HDAC8: variants seen among roughly 807,000 people sequenced by gnomAD.
HDAC8 encodes the protein histone deacetylase 8, also known as histone deacetylase-like 1.
A neutral mutation model predicts 32.2 loss-of-function variants in HDAC8; 1 was observed. That is an observed-to-expected ratio of 0.03 (90% confidence interval 0.01 to 0.15). The LOEUF (loss-of-function observed/expected upper bound fraction) is 0.15, where lower values mean the gene tolerates loss of function less well. HDAC8 is among the 10% of genes least tolerant of loss of function. The pLI, the probability that HDAC8 is intolerant of heterozygous loss-of-function variation, is 1.00. For synonymous variants in HDAC8, 108 were observed against 113.9 expected, an observed-to-expected ratio of 0.95 and a Z score of 0.33; for missense variants, 117 against 300.0, an observed-to-expected ratio of 0.39 and a Z score of 4.51.
chrX:72,375,276 T>A (rs1055527448), intron 9 of HDAC8, among the ~76,000 whole-genome samples: 5 of 112,358 alleles, frequency 4.5e-5, no homozygotes, highest in Non-Finnish European at 9.4e-5. Context: ...AAAATAAATA[T>A]CTAGATGAAT....
At chrX:72,520,875 C>T (rs1436642905) in intron 4 of HDAC8, among the ~76,000 whole-genome samples, 1 of 112,117 alleles carries the variant, frequency 8.9e-6, no homozygotes, top group Non-Finnish European at 1.9e-5. Context: ...ATATCCCACA[C>T]TCTAGGTTCA....
At chrX:72,566,492 C>A (rs1434687582) in intron 4 of HDAC8, among the ~76,000 whole-genome samples, 1 of 112,193 alleles carries the variant, frequency 8.9e-6, no homozygotes, top group African/African-American at 3.2e-5. Context: ...CAAGGACTTC[C>A]TTGGCCACAA....
At chrX:72,537,871 C>T (rs782120952) in intron 4 of HDAC8, among the ~76,000 whole-genome samples, 1 of 111,911 alleles carries the variant, frequency 8.9e-6, no homozygotes, top group East Asian at 2.8e-4. Flanking sequence ...ATTCCAAAGA[C>T]AGTACATGAA....
At chrX:72,493,506 C>G (rs2048930806) in intron 5 of HDAC8, among the ~76,000 whole-genome samples, 1 of 111,574 alleles carries the variant, frequency 9.0e-6, no homozygotes, top group Non-Finnish European at 1.9e-5. Flanking sequence ...TCCTGATGCA[C>G]TTTCAAGTTT....
intron 9 of HDAC8, among the ~76,000 whole-genome samples, chrX:72,354,811 A>G (rs936237270): frequency 3.6e-5 from 4 of 112,012 alleles, no homozygotes; most frequent in Middle Eastern, 9.2e-3. Flanking sequence ...CATCATTTCC[A>G]CCTGACGATG....
chrX:72,490,946 G>C lies in HDAC8; in HGVS notation c.611C>G (p.Ser204Cys), dbSNP rs781880870. 1 of 1,204,650 alleles carries C rather than the reference G, an allele frequency of 8.3e-7. No individual in the cohort carries two copies. The highest frequency in any genetic ancestry group is 2.2e-5 in the Admixed American group (1 of 45,933). The change falls in exon 6 of 11, where the codon TCC (serine) becomes TGC (cysteine). Residue 204 changes from serine (S) to cysteine (C), a missense_variant. Ser to Cys is a moderately radical substitution (Grantham distance 112). Coordinates refer to ENST00000373573, the MANE Select transcript of HDAC8 (RefSeq NM_018486.3). ...KVMTVSLHKF[S>C]PGFFPGTGDV... ...TCACTTGCCTGGGAAAAATCCTGGGGAGAATTTGTGCAGGGACACGGTCAT... is the reference window on the plus strand; with the variant it reads ...TCACTTGCCTGGGAAAAATCCTGGGCAGAATTTGTGCAGGGACACGGTCAT...
In HDAC8 at chrX:72,436,570, T is replaced by C. The variant is rs1239842065; in HGVS notation, c.1005+25434A>G. ...TATCAGCAGATCTAACCTATAAGAATAGAAAAAGTAAGTTCTCTAAACAGA... is the reference window on the plus strand; with the variant it reads ...TATCAGCAGATCTAACCTATAAGAACAGAAAAAGTAAGTTCTCTAAACAGA... On this transcript the variant is annotated intron_variant, in intron 9 of 10. Transcript: ENST00000373573. 5.9e-5 allele frequency among the ~76,000 whole-genome samples: 6 copies of C among 101,665 alleles called. No homozygotes were observed. In the South Asian group the frequency reaches 2.6e-3, roughly 44 times the overall value. 88.3% of individuals were successfully genotyped at this position (101,665 alleles called of 115,157 possible).
chrX:72,489,092 G>C (rs2048773724), intron 6 of HDAC8, 51 bp from the exon 7 acceptor site: 1 of 887,263 alleles, frequency 1.1e-6, no homozygotes, highest in Non-Finnish European at 1.6e-6. Context: ...TGAGAACCCA[G>C]AAAACTTAAA....
At chrX:72,541,671 G>C (rs782646564) in intron 4 of HDAC8, among the ~76,000 whole-genome samples, 1 of 112,142 alleles carries the variant, frequency 8.9e-6, no homozygotes, top group African/African-American at 3.2e-5. Context: ...GCTAGAGGTA[G>C]TGAGAGGTGG....
At chrX:72,380,216 C>A (rs1555959545) in intron 9 of HDAC8, among the ~76,000 whole-genome samples, 1 of 111,865 alleles carries the variant, frequency 8.9e-6, no homozygotes, top group Non-Finnish European at 1.9e-5. Context: ...TTAATGTTCA[C>A]CACAACTGTT....
At chrX:72,527,665 T>C (rs2050194481) in intron 4 of HDAC8, among the ~76,000 whole-genome samples, 1 of 111,064 alleles carries the variant, frequency 9.0e-6, no homozygotes, top group African/African-American at 3.3e-5. Context: ...ATATCCTAGG[T>C]CACTATTGTA....
At chrX:72,560,655 G>A (rs782251328) in intron 4 of HDAC8, among the ~76,000 whole-genome samples, 65 of 106,189 alleles carry the variant, frequency 6.1e-4, no homozygotes, top group African/African-American at 2.2e-3. Context: ...TCAGTATTTC[G>A]CCATTATGAA....
chrX:72,523,628 G>A (rs2050047475), intron 4 of HDAC8, among the ~76,000 whole-genome samples: 1 of 111,157 alleles, frequency 9.0e-6, no homozygotes, highest in African/African-American at 3.3e-5. Context: ...TTTCCTCAGT[G>A]ATCCCATCCA....
chrX:72,537,964 G>A (rs1181562015), intron 4 of HDAC8, among the ~76,000 whole-genome samples: 1 of 111,583 alleles, frequency 9.0e-6, no homozygotes, highest in Non-Finnish European at 1.9e-5. Flanking sequence ...CAGCTTACTA[G>A]CATTCCAACT....
chrX:72,337,555 CT>C lies in HDAC8; in HGVS notation c.1112-7480del, dbSNP rs781831829. Among the ~76,000 whole-genome samples, 6 of 111,083 alleles carry C rather than the reference CT, an allele frequency of 5.4e-5. No homozygotes were observed. The East Asian group carries it at 1.7e-3, about 32-fold the overall frequency. On this transcript the variant is annotated intron_variant, in intron 10 of 10. Transcript: ENST00000373573. ...TCCAAAATAGATTCCAAATCTACCT[CT>C]TTTTTTCCCTCCTTCACTGCTGTAA...
At chrX:72,355,328 G>T (rs997440275) in intron 9 of HDAC8, among the ~76,000 whole-genome samples, 1 of 112,333 alleles carries the variant, frequency 8.9e-6, no homozygotes, top group Non-Finnish European at 1.9e-5. Context: ...GACAGGTGGA[G>T]CAGGGGATGA....
intron 7 of HDAC8, among the ~76,000 whole-genome samples, chrX:72,465,366 G>A (rs958057549): frequency 1.8e-5 from 2 of 110,548 alleles, no homozygotes; most frequent in East Asian, 5.6e-4. Flanking sequence ...AAATTGTAGT[G>A]TAACAATGAG....
intron 9 of HDAC8, among the ~76,000 whole-genome samples, chrX:72,430,866 G>A (rs1345723759): frequency 8.9e-6 from 1 of 111,969 alleles, no homozygotes; most frequent in African/African-American, 3.3e-5. Context: ...ACCGAAGTTC[G>A]CAGAGTTCAA....
intron 9 of HDAC8, among the ~76,000 whole-genome samples, chrX:72,438,982 C>T (rs782723815): frequency 1.2e-4 from 13 of 111,152 alleles, no homozygotes; most frequent in Admixed American, 9.5e-4. Context: ...AGATACTCCT[C>T]GAGAAGAGCA....
Sources: gnomAD v4.1 joint callset for allele counts (sites outside exome capture counted in the v4.1 genomes callset) on GRCh38, gnomAD v4.1.1 for gene constraint, MANE v1.5 for transcripts, NCBI Gene and HGNC (gene_info 2026-07-23, HGNC 2026-07-21) for gene names.